Variants in JAK1 observed in about 807,000 individuals in gnomAD.
JAK1 encodes Janus kinase 1, also known as tyrosine-protein kinase JAK1.
Under a neutral mutation model 136.6 loss-of-function variants are expected in JAK1, and 16 were observed. That is an observed-to-expected ratio of 0.12 (90% confidence interval 0.08 to 0.18). The LOEUF is 0.18. Ranked by LOEUF, JAK1 falls within the 10% of genes least tolerant of loss-of-function variation. The pLI, the probability that JAK1 is intolerant of heterozygous loss-of-function variation, is 1.00. For missense variants in JAK1, 859 were observed against 1,450.1 expected (o/e 0.59, Z 6.62); for synonymous variants, 492 against 519.5 (o/e 0.95, Z 0.72).
At chr1:64,924,296 A>C (rs905162644) in intron 1 of JAK1, among the ~76,000 whole-genome samples, 1 of 152,232 alleles carries the variant, frequency 6.6e-6, no homozygotes, top group Non-Finnish European at 1.5e-5. Context: ...TCCGTTACAT[A>C]AAATGGAATT....
intron 1 of JAK1, among the ~76,000 whole-genome samples, chr1:65,059,590 T>A (rs1203100906): frequency 6.6e-6 from 1 of 152,214 alleles, no homozygotes; most frequent in Non-Finnish European, 1.5e-5. Context: ...GCTTTTAAAT[T>A]ATCTGTACCT....
intron 9 of JAK1, among the ~76,000 whole-genome samples, chr1:64,857,990 GAA>G (rs1232698669): frequency 1.3e-5 from 2 of 152,200 alleles, no homozygotes; most frequent in Non-Finnish European, 2.9e-5. Context: ...CCAAGGTTGA[GAA>G]GAGGACTCAG....
chr1:65,040,008 A>C (rs1339192319), intron 2 of JAK1, among the ~76,000 whole-genome samples: 1 of 152,188 alleles, frequency 6.6e-6, no homozygotes, highest in African/African-American at 2.4e-5. Flanking sequence ...TGAGGTCAGG[A>C]GTTCAAGACC....
chr1:64,862,218 G>A (rs1279880306), intron 8 of JAK1, among the ~76,000 whole-genome samples: 2 of 152,172 alleles, frequency 1.3e-5, no homozygotes, highest in African/African-American at 2.4e-5. Flanking sequence ...GGTTCAAATC[G>A]CAGCCTCTCC....
chr1:64,942,626 ACT>A (rs1389952306), intron 1 of JAK1, among the ~76,000 whole-genome samples: 1 of 152,210 alleles, frequency 6.6e-6, no homozygotes, highest in African/African-American at 2.4e-5. Context: ...TTCAACATTA[ACT>A]CAAATGTAAC....
intron 11 of JAK1, 96 bp from the exon 12 acceptor site, chr1:64,851,006 C>G: frequency 1.3e-6 from 1 of 779,050 alleles, no homozygotes; most frequent in Non-Finnish European, 2.3e-6. Flanking sequence ...GACCGGTGTG[C>G]GGGCGCTTGC....
intron 3 of JAK1, among the ~76,000 whole-genome samples, chr1:64,882,367 C>T (rs910064985): frequency 2.0e-5 from 3 of 152,150 alleles, no homozygotes; most frequent in African/African-American, 2.4e-5. Context: ...TCAGGCTGTA[C>T]GGCATCATAA....
chr1:64,873,491 T>C lies in JAK1; in HGVS notation c.362A>G (p.Asp121Gly). The part of the protein sequence containing the change: ...FYFTNWHGTN[D>G]NEQSVWRHSP... The stretch of plus-strand genomic sequence containing the variant: ...ATGACGCCACACTGACTGCTCATTG[T>C]CGTTGGTTCCATGCCAATTGGTGAA... Residue 121 changes from aspartate (D) to glycine (G), a missense_variant, in exon 5 of 25, where the codon GAC (aspartate) becomes GGC (glycine). By Grantham distance (94) the Asp-to-Gly change is moderately conservative (BLOSUM62 -1). Around this residue, in one of 4 missense-constraint regions of JAK1, gnomAD observed 353 missense variants for 494.0 expected, o/e 0.71. Transcript: ENST00000342505. The C allele has an allele frequency of 6.2e-7, 1 of 1,614,212 alleles. No homozygotes were observed. The highest frequency in any genetic ancestry group is 8.5e-7 in the Non-Finnish European group (1 of 1,180,022).
intron 1 of JAK1, among the ~76,000 whole-genome samples, chr1:64,944,793 G>A (rs532146931): frequency 2.0e-5 from 3 of 152,200 alleles, no homozygotes; most frequent in Admixed American, 2.0e-4. Context: ...ATTAACAAAG[G>A]TTGTGAGAGT....
At chr1:64,982,114 GCA>G in intron 2 of JAK1, among the ~76,000 whole-genome samples, 1 of 150,296 alleles carries the variant, frequency 6.7e-6, no homozygotes, top group African/African-American at 2.4e-5. Flanking sequence ...ACACACACAC[GCA>G]CACACACGCA....
chr1:64,859,463 G>A, intron 9 of JAK1, among the ~76,000 whole-genome samples: 1 of 152,228 alleles, frequency 6.6e-6, no homozygotes, highest in East Asian at 1.9e-4. Context: ...CTTCAGCACA[G>A]GCTGCCAGTT....
intron 2 of JAK1, among the ~76,000 whole-genome samples, chr1:64,995,375 C>T (rs184839733): frequency 1.3e-5 from 2 of 152,218 alleles, no homozygotes; most frequent in East Asian, 1.9e-4. Context: ...CCCCTTCAAA[C>T]AATCAGACGC....
At chr1:64,855,430 A>T (rs1655863592) in intron 11 of JAK1, 79 bp downstream of exon 11, 1 of 1,347,848 alleles carries the variant, frequency 7.4e-7, no homozygotes. Context: ...TGTTTAAGTC[A>T]GTCAGCGTGT....
intron 4 of JAK1, 130 bp downstream of exon 4, chr1:64,878,895 G>T: frequency 3.6e-6 from 3 of 825,692 alleles, no homozygotes; most frequent in Non-Finnish European, 5.4e-6. Flanking sequence ...CTCACATCAA[G>T]CAAATACAAA....
upstream of JAK1, among the ~76,000 whole-genome samples, chr1:64,970,582 T>C (rs1277659274): frequency 1.3e-5 from 2 of 151,862 alleles, no homozygotes; most frequent in Non-Finnish European, 2.9e-5. Flanking sequence ...ATGGCAAAAC[T>C]GTCTCTACTA....
intron 1 of JAK1, among the ~76,000 whole-genome samples, chr1:64,905,247 G>A (rs950686942): frequency 6.6e-6 from 1 of 152,310 alleles, no homozygotes; most frequent in African/African-American, 2.4e-5. Flanking sequence ...TGCGAGGACG[G>A]TGACAGAGAA....
At chr1:64,944,845 T>C (rs1022301449) in intron 1 of JAK1, among the ~76,000 whole-genome samples, 1 of 106,792 alleles carries the variant, frequency 9.4e-6, no homozygotes, top group Non-Finnish European at 2.7e-5. Context: ...AAGTCTTCAA[T>C]AAATAGGAAT....
intron 2 of JAK1, among the ~76,000 whole-genome samples, chr1:65,016,724 C>A (rs745440745): frequency 6.6e-5 from 10 of 152,064 alleles, no homozygotes; most frequent in Non-Finnish European, 1.5e-4. Context: ...AGTGTGAAAC[C>A]CTGTCTCTAC....
At chr1:64,889,450 T>G (rs558129591) in intron 1 of JAK1, among the ~76,000 whole-genome samples, 2 of 152,302 alleles carry the variant, frequency 1.3e-5, no homozygotes, top group South Asian at 2.1e-4. Flanking sequence ...AAAATACCTT[T>G]CTTTTGGTGA....
Sources: gnomAD v4.1 joint callset for allele counts (sites outside exome capture counted in the v4.1 genomes callset) on GRCh38, gnomAD v4.1.1 for gene constraint, gnomAD v4.1.1 regional missense constraint, MANE v1.5 for transcripts, NCBI Gene and HGNC (gene_info 2026-07-23, HGNC 2026-07-21) for gene names.